The following WDFY3 variants were observed in gnomAD, a reference collection of about 807,000 sequenced individuals.
WDFY3 encodes the protein WD repeat and FYVE domain-containing protein 3.
A neutral mutation model predicts 409.6 loss-of-function variants in WDFY3; 66 were observed. That is an observed-to-expected ratio of 0.16 (90% CI 0.13 to 0.20). The LOEUF (loss-of-function observed/expected upper bound fraction) is 0.20, where lower values mean the gene tolerates loss of function less well. WDFY3 is among the 10% of genes least tolerant of loss of function. WDFY3 has a pLI of 1.00. For missense variants in WDFY3, 3,031 were observed against 4,298.1 expected (o/e 0.71, Z 8.24); for synonymous variants, 1,521 against 1,537.1 (o/e 0.99, Z 0.25).
chr4:84,860,933 G>A (rs554147652), intron 3 of WDFY3, among the ~76,000 whole-genome samples: 2 of 152,242 alleles, frequency 1.3e-5, no homozygotes, highest in African/African-American at 2.4e-5. Context: ...TAAAGGCGCC[G>A]GGAATAGTGG....
intron 44 of WDFY3, among the ~76,000 whole-genome samples, chr4:84,731,732 G>A (rs1349479664): frequency 6.6e-6 from 1 of 152,156 alleles, no homozygotes; most frequent in Non-Finnish European, 1.5e-5. Context: ...ATCTGATATA[G>A]AAGTTTAAAT....
chr4:84,955,199 T>C (rs1774089327), intron 1 of WDFY3, among the ~76,000 whole-genome samples: 1 of 145,348 alleles, frequency 6.9e-6, no homozygotes, highest in Admixed American at 6.8e-5. Context: ...CAAAACACTG[T>C]CTCAAAAAAA....
At chr4:84,716,764 A>C in intron 49 of WDFY3, 132 bp downstream of exon 49, 1 of 694,110 alleles carries the variant, frequency 1.4e-6, no homozygotes, top group Non-Finnish European at 1.9e-6. Context: ...ATGCCACTGC[A>C]CTCCAGCCTG....
intron 1 of WDFY3, among the ~76,000 whole-genome samples, chr4:84,951,935 A>G (rs1446813437): frequency 6.6e-6 from 1 of 152,242 alleles, no homozygotes; most frequent in Non-Finnish European, 1.5e-5. Flanking sequence ...TTTTGATGAA[A>G]GTTTTAGTCA....
chr4:84,761,655 T>C (rs1742619226), intron 32 of WDFY3, among the ~76,000 whole-genome samples: 1 of 152,102 alleles, frequency 6.6e-6, no homozygotes, highest in Admixed American at 6.5e-5. Context: ...CAAAGGAAAC[T>C]ACCATCAGAA....
chr4:84,767,910 C>G (rs891195132), intron 30 of WDFY3, among the ~76,000 whole-genome samples: 1 of 151,892 alleles, frequency 6.6e-6, no homozygotes, highest in African/African-American at 2.4e-5. Flanking sequence ...ATAGTTGGAC[C>G]CTGTCTCTAA....
At chr4:84,941,812 G>T (rs966111726) in intron 1 of WDFY3, among the ~76,000 whole-genome samples, 1 of 151,884 alleles carries the variant, frequency 6.6e-6, no homozygotes, top group African/African-American at 2.4e-5. Flanking sequence ...GTGTGGCAGT[G>T]GTAAAAGCAC....
At chr4:84,847,847 G>C (rs1224703148) in intron 5 of WDFY3, among the ~76,000 whole-genome samples, 1 of 123,856 alleles carries the variant, frequency 8.1e-6, no homozygotes, top group Non-Finnish European at 1.8e-5. Flanking sequence ...AGAAAATGCA[G>C]CCCCAAAATA....
chr4:84,920,402 T>C (rs146538969), intron 2 of WDFY3, among the ~76,000 whole-genome samples: 22 of 152,332 alleles, frequency 1.4e-4, no homozygotes, highest in Non-Finnish European at 2.4e-4. Flanking sequence ...GGCCATAATA[T>C]GTTCAATGTA....
At chr4:84,713,823 T>A (rs983195201) in intron 50 of WDFY3, among the ~76,000 whole-genome samples, 1 of 152,168 alleles carries the variant, frequency 6.6e-6, no homozygotes, top group Non-Finnish European at 1.5e-5. Flanking sequence ...TTTTCCTTTT[T>A]TAAAAAATTT....
rs572930306 is a variant in WDFY3 at position 84,696,629 on chromosome 4, A to G, written c.8688+103T>C. ...CCTGTAGATAAGGGGACCTGGCTGT[A>G]TTAGTAACAAACAGGTGGTACTCTG... is the stretch of plus-strand genomic sequence containing the variant. On this transcript the variant is annotated intron_variant, in intron 57 of 67. Coordinates refer to ENST00000295888, the MANE Select transcript of WDFY3 (RefSeq NM_014991.6). 7.7e-5 allele frequency: 88 copies of G among 1,144,682 alleles called. No individual in the cohort carries two copies. The South Asian group carries it at 1.0e-3, about 13-fold the overall frequency. The allele number at this position is 1,144,682 out of a possible 1,614,324, so 70.9% of individuals were successfully genotyped here.
intron 4 of WDFY3, among the ~76,000 whole-genome samples, chr4:84,853,523 G>A (rs977755709): frequency 6.6e-6 from 1 of 151,952 alleles, no homozygotes; most frequent in African/African-American, 2.4e-5. Flanking sequence ...TATTACTCAG[G>A]GTGTATCAAT....
At chr4:84,903,000 A>C (rs994831359) in intron 2 of WDFY3, among the ~76,000 whole-genome samples, 1 of 152,206 alleles carries the variant, frequency 6.6e-6, no homozygotes, top group Non-Finnish European at 1.5e-5. Context: ...GAAAAGAGTA[A>C]ATTATGTTGT....
intron 46 of WDFY3, among the ~76,000 whole-genome samples, chr4:84,723,035 G>T (rs1735090545): frequency 6.6e-6 from 1 of 152,176 alleles, no homozygotes; most frequent in Non-Finnish European, 1.5e-5. Context: ...CTCAATTAGA[G>T]ATTAGGAAAA....
chr4:84,851,837 T>C (rs146425151), intron 4 of WDFY3, among the ~76,000 whole-genome samples: 29 of 152,288 alleles, frequency 1.9e-4, no homozygotes, highest in African/African-American at 7.0e-4. Context: ...CCAAAGCCCG[T>C]AAACACTGTA....
intron 55 of WDFY3, 136 bp from the exon 56 acceptor site, chr4:84,702,642 A>G: frequency 1.5e-6 from 1 of 666,830 alleles, no homozygotes; most frequent in Non-Finnish European, 2.3e-6. Flanking sequence ...AAATACGCAC[A>G]AATTTTTAAT....
At chr4:84,831,681 G>C (rs1215537121) in intron 7 of WDFY3, 76 bp from the exon 8 acceptor site, 1 of 1,365,218 alleles carries the variant, frequency 7.3e-7, no homozygotes, top group Non-Finnish European at 1.0e-6. Context: ...GGGCAAATGA[G>C]CTGAATGGAC....
chr4:84,773,432 G>A (rs1013254409), intron 29 of WDFY3, among the ~76,000 whole-genome samples: 2 of 152,144 alleles, frequency 1.3e-5, no homozygotes, highest in Non-Finnish European at 2.9e-5. Flanking sequence ...TAGCCTAGCA[G>A]TTAAGAACTT....
chr4:84,734,497 T>A (rs550486190), intron 43 of WDFY3, among the ~76,000 whole-genome samples: 215 of 152,250 alleles, frequency 1.4e-3, no homozygotes, highest in African/African-American at 5.0e-3. Context: ...CTTTAATAGA[T>A]CCAAAATAGC....
Sources: gnomAD v4.1 joint callset for allele counts (sites outside exome capture counted in the v4.1 genomes callset) on GRCh38, gnomAD v4.1.1 for gene constraint, MANE v1.5 for transcripts, NCBI Gene and HGNC (gene_info 2026-07-23, HGNC 2026-07-21) for gene names.